The following ADGRF3 variants were observed in gnomAD, a reference collection of about 807,000 sequenced individuals.
ADGRF3 encodes adhesion G protein-coupled receptor F3, also known as G protein-coupled receptor 113.
ADGRF3 carries 85 observed loss-of-function variants against 93.2 expected under a neutral mutation model. That is an observed-to-expected ratio of 0.91 (90% CI 0.77 to 1.09). The LOEUF is 1.09. Among genes scored for constraint, ADGRF3 ranks in the 50% least tolerant of loss-of-function variants. The pLI is 0.00. For synonymous variants in ADGRF3, 534 were observed against 532.5 expected, an observed-to-expected ratio of 1.00 and a Z score of -0.04; for missense variants, 1,125 against 1,246.2, an observed-to-expected ratio of 0.90 and a Z score of 1.46.
At chr2:26,336,968 T>C (rs1367152511) in intron 1 of ADGRF3, among the ~76,000 whole-genome samples, 1 of 152,148 alleles carries the variant, frequency 6.6e-6, no homozygotes, top group East Asian at 1.9e-4. Context: ...AGATAGTTTA[T>C]GATGACTAAA....
intron 1 of ADGRF3, chr2:26,318,209 T>C: frequency 2.4e-6 from 2 of 846,890 alleles, no homozygotes; most frequent in Non-Finnish European, 3.7e-6. Flanking sequence ...GCTCACTGTG[T>C]CACAGACCTG....
intron 1 of ADGRF3, among the ~76,000 whole-genome samples, chr2:26,336,972 G>C (rs1386102892): frequency 6.6e-6 from 1 of 152,220 alleles, no homozygotes; most frequent in East Asian, 1.9e-4. Context: ...AGTTTATGAT[G>C]ACTAAAAAAA....
intron 1 of ADGRF3, chr2:26,318,915 C>T: frequency 6.4e-7 from 1 of 1,551,448 alleles, no homozygotes. Context: ...TCAGGGGTCC[C>T]CATTGTCGCC....
At chr2:26,339,380 C>T (rs2147925931) in intron 1 of ADGRF3, among the ~76,000 whole-genome samples, 1 of 151,700 alleles carries the variant, frequency 6.6e-6, no homozygotes, top group South Asian at 2.1e-4. Context: ...TCTGTAATCC[C>T]AGCTACATGA....
intron 1 of ADGRF3, among the ~76,000 whole-genome samples, chr2:26,319,666 T>C (rs1675032779): frequency 6.6e-6 from 1 of 151,398 alleles, no homozygotes; most frequent in Non-Finnish European, 1.5e-5. Context: ...CCTTCCTTCC[T>C]TTCTCTCTCT....
At chr2:26,314,735 G>T in intron 5 of ADGRF3, 112 bp from the exon 6 acceptor site, 1 of 965,064 alleles carries the variant, frequency 1.0e-6, no homozygotes, top group Non-Finnish European at 1.6e-6. Flanking sequence ...CTGCCACCCA[G>T]TGCTTAACCC....
At position 26,313,482 on chromosome 2, in the gene ADGRF3, G is replaced by A. The variant is rs1674375628; in HGVS notation, c.1164C>T (p.Ser388=). The A allele has an allele frequency of 6.2e-7, 1 of 1,611,660 alleles. No individual in the cohort carries two copies. Among genetic ancestry groups the A allele is most frequent in the African/African-American group, 1.3e-5 (1 of 74,896 alleles). ...GHVAQAPCPE[S]KRGIVRRLCG... is the part of the protein sequence containing the mutation. The stretch of plus-strand genomic sequence containing the variant: ...AGAGCCTCCTCACTATGCCCCTCTT[G>A]CTCTCAGGACATGGGGCCTGTGCCA... The change falls in exon 8 of 14, where the codon AGC becomes AGT. Residue 388 remains serine (S), a synonymous_variant. Coordinates refer to ENST00000651242, the MANE Select transcript of ADGRF3 (RefSeq NM_001321971.2).
chr2:26,316,198 G>T, intron 4 of ADGRF3, 77 bp downstream of exon 4: 1 of 1,443,828 alleles, frequency 6.9e-7, no homozygotes, highest in South Asian at 1.4e-5. Flanking sequence ...CAAACTACAG[G>T]TTCAGAGAGG....
At chr2:26,314,934 AG>A (rs1674523525) in intron 5 of ADGRF3, 1 of 352,174 alleles carries the variant, frequency 2.8e-6, no homozygotes, top group Admixed American at 4.4e-5. Flanking sequence ...ATCTGTTCTC[AG>A]CAGACATTGA....
intron 1 of ADGRF3, among the ~76,000 whole-genome samples, chr2:26,338,989 G>C (rs1438705156): frequency 1.3e-5 from 2 of 151,128 alleles, no homozygotes; most frequent in African/African-American, 4.9e-5. Context: ...TACAAAAATT[G>C]GTGGTGTGCA....
chr2:26,310,977 G>A lies in ADGRF3; in HGVS notation c.2547C>T (p.Cys849=), dbSNP rs763132325. The A allele has an allele frequency of 4.5e-5, 73 of 1,613,752 alleles. No homozygotes were observed. The highest frequency in any genetic ancestry group is 6.1e-5 in the Non-Finnish European group (72 of 1,179,832). Residue 849 remains cysteine (C), a synonymous_variant, in exon 10 of 14, where the codon TGC becomes TGT. Coordinates refer to ENST00000651242, the MANE Select transcript of ADGRF3 (RefSeq NM_001321971.2). The stretch of plus-strand genomic sequence containing the variant: ...ACGCCCCTCCCTTCCCATCCAACCA[G>A]CATTCCCCCTCCCTCAGGTATTGCC... ...PQGQYLREGE[C]WLDGKGGALY...
At chr2:26,313,676 G>A (rs1674397630) in intron 7 of ADGRF3, 84 bp downstream of exon 7, 1 of 1,581,170 alleles carries the variant, frequency 6.3e-7, no homozygotes, top group South Asian at 1.1e-5. Context: ...CTGTTGCCCA[G>A]GGCAGAGACG....
intron 1 of ADGRF3, among the ~76,000 whole-genome samples, chr2:26,335,740 A>C (rs773016506): frequency 5.9e-5 from 9 of 151,962 alleles, no homozygotes; most frequent in Non-Finnish European, 7.3e-5. Flanking sequence ...TTAAGTTCTT[A>C]TATAATTGGG....
chr2:26,344,683 T>A (rs1339975169), intron 1 of ADGRF3, among the ~76,000 whole-genome samples: 1 of 152,014 alleles, frequency 6.6e-6, no homozygotes, highest in Admixed American at 6.6e-5. Context: ...ATGCAAAAAA[T>A]TTAGCCGGGT....
At position 26,316,430 on chromosome 2, in the gene ADGRF3, T is replaced by C. The variant is rs1674682087; in HGVS notation, c.344A>G (p.Lys115Arg). ...GAGGCAAGCACAATAGAAATTCCCC[T>C]TGTGGTTGACATTACACTCTGACAG... ...RLTTECNVNHKGNFYCACLSG... is the reference protein window; with the variant it reads ...RLTTECNVNHRGNFYCACLSG... The change falls in exon 4 of 14, where the codon AAG (lysine) becomes AGG (arginine). Residue 115 changes from lysine to arginine, a missense_variant. Coordinates refer to ENST00000651242, the MANE Select transcript of ADGRF3 (RefSeq NM_001321971.2). 1 of 1,551,660 alleles carries C rather than the reference T, an allele frequency of 6.4e-7. No individual in the cohort carries two copies. The highest frequency in any genetic ancestry group is 1.4e-5 in the African/African-American group (1 of 73,158).
intron 3 of ADGRF3, 109 bp from the exon 4 acceptor site, chr2:26,316,557 C>T: frequency 1.7e-6 from 2 of 1,148,012 alleles, no homozygotes; most frequent in South Asian, 1.6e-5. Context: ...GTATCTGGAC[C>T]AATCCCCAAG....
chr2:26,346,084 C>T (rs1334527554), intron 1 of ADGRF3, 37 bp downstream of exon 1: 8 of 1,543,168 alleles, frequency 5.2e-6, no homozygotes, highest in Non-Finnish European at 7.0e-6. Flanking sequence ...GCCGAGGCGG[C>T]TACGCGTGCG....
intron 1 of ADGRF3, among the ~76,000 whole-genome samples, chr2:26,321,790 G>T (rs1227332972): frequency 6.6e-6 from 1 of 151,936 alleles, no homozygotes; most frequent in Non-Finnish European, 1.5e-5. Flanking sequence ...TGGCCAACAT[G>T]GTGAAACCCC....
intron 6 of ADGRF3, among the ~76,000 whole-genome samples, 198 bp downstream of exon 6, chr2:26,314,216 G>T (rs1574703682): frequency 6.6e-6 from 1 of 151,746 alleles, no homozygotes; most frequent in Non-Finnish European, 1.5e-5. Context: ...TTTTGCAAAA[G>T]TTTCCTATAC....
Sources: gnomAD v4.1 joint callset for allele counts (sites outside exome capture counted in the v4.1 genomes callset) on GRCh38, gnomAD v4.1.1 for gene constraint, MANE v1.5 for transcripts, NCBI Gene and HGNC (gene_info 2026-07-23, HGNC 2026-07-21) for gene names.